HECTD4: variants seen among roughly 807,000 people sequenced by gnomAD.
The protein encoded by HECTD4 is HECT domain E3 ubiquitin protein ligase 4, also known as probable E3 ubiquitin-protein ligase HECTD4.
HECTD4 carries 114 observed loss-of-function variants against 471.5 expected under a neutral mutation model. The observed-to-expected ratio is 0.24, with a 90% CI of 0.21 to 0.28. HECTD4 has a LOEUF of 0.28. Ranked by LOEUF, HECTD4 falls within the 10% of genes least tolerant of loss-of-function variation. HECTD4 has a pLI of 1.00. For missense variants in HECTD4, 3,866 were observed against 5,651.5 expected (o/e 0.68, Z 10.13); for synonymous variants, 2,012 against 2,256.0 (o/e 0.89, Z 3.07).
rs2135576236 is a variant in HECTD4 at position 112,239,842 on chromosome 12, G to A, written c.5105+39C>T. ...CTTTCACTTAATCGACTATACTGCA[G>A]GGTAACTTACATACAACAAAAGGCC... On this transcript the variant is annotated intron_variant, in intron 33 of 75. Coordinates refer to ENST00000682272, the MANE Select transcript of HECTD4 (RefSeq NM_001388303.1). The surrounding 1 kb of genome is among the most constrained non-coding windows in gnomAD (Gnocchi z 4.9). 1 of 1,566,354 alleles carries A rather than the reference G, an allele frequency of 6.4e-7. No homozygotes were observed. The highest frequency in any genetic ancestry group is 2.3e-5 in the East Asian group (1 of 44,392).
At position 112,162,714 on chromosome 12, in the gene HECTD4, T is replaced by C; in HGVS notation, c.13121-191A>G. ...TGGAGGGAAAAGGGGAGAGAGCTGC[T>C]GGACAGCGCATGTGCCAAACTGCTG... On this transcript the variant is annotated intron_variant, in intron 75 of 75. Coordinates refer to ENST00000682272, the MANE Select transcript of HECTD4 (RefSeq NM_001388303.1). The surrounding 1 kb of genome is among the most constrained non-coding windows in gnomAD (Gnocchi z 5.2). 1 of 640,408 alleles carries C rather than the reference T, an allele frequency of 1.6e-6. No homozygotes were observed. Among genetic ancestry groups the C allele is most frequent in the South Asian group, 2.1e-5 (1 of 48,514 alleles). The allele number at this position is 640,408 out of a possible 1,614,324, so 39.7% of individuals were successfully genotyped here.
At position 112,175,860 on chromosome 12, in the gene HECTD4, C is replaced by T; in HGVS notation, c.11471-1G>A. ...AGCGTCAGGTATTTTTCCTCAGGGA[C>T]TGGTGGAAAGGGTTCAGTGTGAGGA... On this transcript the variant is annotated splice_acceptor_variant, in intron 65 of 75. Transcript: ENST00000682272. LOFTEE classifies it high-confidence loss of function. 6.2e-7 allele frequency: 1 copy of T among 1,613,286 alleles called. No individual in the cohort carries two copies. The highest frequency in any genetic ancestry group is 8.5e-7 in the Non-Finnish European group (1 of 1,179,672).
At chr12:112,164,584 C>T (rs1251710427) in intron 72 of HECTD4, among the ~76,000 whole-genome samples, 2 of 151,868 alleles carry the variant, frequency 1.3e-5, no homozygotes, top group Non-Finnish European at 2.9e-5. Flanking sequence ...CACCTCTGCC[C>T]GTGCGCTGGG....
chr12:112,376,492 C>A (rs976276143), intron 1 of HECTD4, among the ~76,000 whole-genome samples: 2 of 151,968 alleles, frequency 1.3e-5, no homozygotes, highest in Non-Finnish European at 2.9e-5. Flanking sequence ...GTGATCTGCC[C>A]GCCGTGGCCT....
chr12:112,247,334 A>G, intron 28 of HECTD4, 128 bp downstream of exon 28: 1 of 676,344 alleles, frequency 1.5e-6, no homozygotes, highest in Non-Finnish European at 2.4e-6. Context: ...TTACCAAATG[A>G]GTTCCAACTC....
At chr12:112,170,191 G>T in intron 69 of HECTD4, 142 bp downstream of exon 69, 1 of 1,173,322 alleles carries the variant, frequency 8.5e-7, no homozygotes, top group Non-Finnish European at 1.2e-6. Context: ...CCAGCAGGAA[G>T]CCACACACCA....
chr12:112,253,960 T>G, intron 22 of HECTD4, 83 bp downstream of exon 22: 1 of 1,479,660 alleles, frequency 6.8e-7, no homozygotes, highest in Non-Finnish European at 9.2e-7. Context: ...AATGTTTTTC[T>G]GGGATTACAG....
At chr12:112,315,257 C>T (rs995230947) in intron 2 of HECTD4, among the ~76,000 whole-genome samples, 36 of 152,300 alleles carry the variant, frequency 2.4e-4, no homozygotes, top group Non-Finnish European at 3.7e-4. Context: ...ACTAAATGAT[C>T]GCCTGTATCT....
intron 67 of HECTD4, 48 bp downstream of exon 67, chr12:112,172,623 A>G (rs1566059822): frequency 3.2e-6 from 5 of 1,576,760 alleles, no homozygotes; most frequent in Non-Finnish European, 4.4e-6. Context: ...GTCATGGGGC[A>G]TGCCCGCATC....
In HECTD4 at chr12:112,262,515, C is replaced by CAAA. The variant is rs758273849; in HGVS notation, c.2749-1089_2749-1087dup. Among the ~76,000 whole-genome samples the CAAA allele has an allele frequency of 9.2e-3, 181 of 19,744 alleles. 51 individuals carry two copies. Among genetic ancestry groups the CAAA allele is most frequent in the East Asian group, 0.019 (13 of 670 alleles). 13.0% of individuals were successfully genotyped at this position (19,744 alleles called of 152,430 possible). A position where few individuals can be genotyped will look rare whatever the true frequency, so the allele number is the denominator to read the frequency against. On this transcript the variant is annotated intron_variant, in intron 17 of 75. Coordinates refer to ENST00000682272, the MANE Select transcript of HECTD4 (RefSeq NM_001388303.1). ...TGGGCGACAAAGAGAGACTCCATCT[C>CAAA]AAAAAAAAAAAAAAAAAAAAAAAAA...
Position 112,184,610 on chromosome 12 carries a change from G to A in HECTD4, c.10356C>T (p.Asp3452=), listed in dbSNP as rs767778218. The A allele has an allele frequency of 4.3e-6, 7 of 1,613,850 alleles. 1 individual carries two copies. In the South Asian group the frequency reaches 4.4e-5, roughly 10 times the overall value. ...KKPKDKAEGG[D]GKVEPEKTLA... ...GTGTCTTCTCGGGCTCAACTTTCCC[G>A]TCCCCGCCCTCGGCCTTGTCTTTTG... The change falls in exon 61 of 76, where the codon GAC becomes GAT. Residue 3452 remains aspartate, a synonymous_variant. Coordinates refer to ENST00000682272, the MANE Select transcript of HECTD4 (RefSeq NM_001388303.1). The surrounding 1 kb of genome is among the most constrained non-coding windows in gnomAD (Gnocchi z 9.1).
chr12:112,312,926 C>A (rs1230665379), intron 4 of HECTD4, 91 bp downstream of exon 4: 1 of 994,512 alleles, frequency 1.0e-6, no homozygotes. Flanking sequence ...AAGGAACATA[C>A]AGAGTTATAG....
chr12:112,209,878 AC>A, intron 50 of HECTD4, 136 bp downstream of exon 50: 1 of 691,224 alleles, frequency 1.4e-6, no homozygotes, highest in Non-Finnish European at 2.5e-6. Flanking sequence ...CAGGCCTGTG[AC>A]CCCATTACCA....
intron 53 of HECTD4, among the ~76,000 whole-genome samples, chr12:112,204,068 A>G (rs1407720128): frequency 6.6e-6 from 1 of 152,220 alleles, no homozygotes; most frequent in Non-Finnish European, 1.5e-5. Flanking sequence ...TTTGAGACAG[A>G]GCCTTGCTCT....
At position 112,337,822 on chromosome 12, in the gene HECTD4, T is replaced by A. The variant is rs533735233; in HGVS notation, c.178-18080A>T. The stretch of plus-strand genomic sequence containing the variant: ...TAAAATTTGCACTAGTTTTACAGAA[T>A]TGCTTAGTAAAAATCTCCTGCTGGA... On this transcript the variant is annotated intron_variant, in intron 1 of 75. Coordinates refer to ENST00000682272, the MANE Select transcript of HECTD4 (RefSeq NM_001388303.1). 9.2e-5 allele frequency among the ~76,000 whole-genome samples: 14 copies of A among 152,322 alleles called. No homozygotes were observed. The South Asian group carries it at 1.2e-3, about 14-fold the overall frequency.
At chr12:112,310,086 A>G (rs555055616) in intron 4 of HECTD4, among the ~76,000 whole-genome samples, 1 of 152,332 alleles carries the variant, frequency 6.6e-6, no homozygotes, top group African/African-American at 2.4e-5. Context: ...TTATGAGCTC[A>G]GTAAGTGACC....
chr12:112,192,211 A>G (rs2032103109), intron 59 of HECTD4, among the ~76,000 whole-genome samples: 8 of 152,230 alleles, frequency 5.3e-5, no homozygotes, highest in Admixed American at 4.6e-4. Context: ...ATGAGAATTC[A>G]AGGAATGGCA....
chr12:112,184,334 G>T lies in HECTD4; in HGVS notation c.10632C>A (p.Gly3544=). ...CCAGGCTGCCCAGGCTGCCCAGGCT[G>T]CCGGTGCTGCACAGGGAAATGTCCA... is the stretch of plus-strand genomic sequence containing the variant. The part of the protein sequence containing the change: ...ESLDISLCST[G]SLGSLGSLGE... Residue 3544 remains glycine, a synonymous_variant, in exon 61 of 76, where the codon GGC becomes GGA. Coordinates refer to ENST00000682272, the MANE Select transcript of HECTD4 (RefSeq NM_001388303.1). This position sits in a 1 kb window ranked among gnomAD's most constrained non-coding sequence, Gnocchi z 9.1. The T allele has an allele frequency of 1.9e-6, 3 of 1,613,104 alleles. No individual in the cohort carries two copies. Among genetic ancestry groups the T allele is most frequent in the East Asian group, 2.2e-5 (1 of 44,866 alleles).
chr12:112,210,012 T>TA lies in HECTD4; in HGVS notation c.7867+2dup. 1 of 1,610,144 alleles carries TA rather than the reference T, an allele frequency of 6.2e-7. No homozygotes were observed. The highest frequency in any genetic ancestry group is 8.5e-7 in the Non-Finnish European group (1 of 1,177,672). On this transcript the variant is annotated splice_region_variant and intron_variant, in intron 50 of 75. Coordinates refer to ENST00000682272, the MANE Select transcript of HECTD4 (RefSeq NM_001388303.1). ...AGGCAGTAAGTTCCAGGAGGTGACT[T>TA]ACGTTGCTGAGCGGTGGCCACGGCA... is the stretch of plus-strand genomic sequence containing the variant.
Sources: gnomAD v4.1 joint callset for allele counts (sites outside exome capture counted in the v4.1 genomes callset) on GRCh38, gnomAD v4.1.1 for gene constraint, Gnocchi (gnomAD v3.1) non-coding constraint, MANE v1.5 for transcripts, NCBI Gene and HGNC (gene_info 2026-07-23, HGNC 2026-07-21) for gene names.